The following GNAQ variants were observed in gnomAD, a reference collection of about 807,000 sequenced individuals.
GNAQ encodes the protein G protein subunit alpha q, also known as guanine nucleotide-binding protein G(q) subunit alpha.
Under a neutral mutation model 43.9 loss-of-function variants are expected in GNAQ, and 8 were observed. That is an observed-to-expected ratio of 0.18 (90% confidence interval 0.11 to 0.33). The LOEUF (loss-of-function observed/expected upper bound fraction) is 0.33, where lower values mean the gene tolerates loss of function less well. Ranked by LOEUF, GNAQ falls within the 10% of genes least tolerant of loss-of-function variation. The pLI is 1.00. For synonymous variants in GNAQ, 155 were observed against 170.7 expected, an observed-to-expected ratio of 0.91 and a Z score of 0.71; for missense variants, 158 against 450.8, an observed-to-expected ratio of 0.35 and a Z score of 5.88.
Position 77,796,108 on chromosome 9 carries a change from G to A in GNAQ, c.605+1412C>T, listed in dbSNP as rs1451862739. 5.3e-5 allele frequency among the ~76,000 whole-genome samples: 8 copies of A among 152,244 alleles called. No homozygotes were observed. In the East Asian group the frequency reaches 1.2e-3, roughly 22 times the overall value. On this transcript the variant is annotated intron_variant, in intron 4 of 6. Coordinates refer to ENST00000286548, the MANE Select transcript of GNAQ (RefSeq NM_002072.5). ...GTAATATAGAATGCTGGAGCTACAA[G>A]GAACCCTGAGGATCATCTAATGCAA... is the stretch of plus-strand genomic sequence containing the variant.
intron 2 of GNAQ, among the ~76,000 whole-genome samples, chr9:77,891,709 C>T (rs1236811675): frequency 1.3e-5 from 2 of 152,174 alleles, no homozygotes; most frequent in African/African-American, 2.4e-5. Flanking sequence ...CTTTGAAAGC[C>T]GTACTAGTTC....
chr9:77,744,874 G>A (rs148572783), intron 5 of GNAQ, among the ~76,000 whole-genome samples: 47 of 152,062 alleles, frequency 3.1e-4, no homozygotes, highest in African/African-American at 1.1e-3. Context: ...TGTTCCCCGA[G>A]ACCCCAAGAA....
chr9:77,770,797 T>C (rs541213513), intron 5 of GNAQ, among the ~76,000 whole-genome samples: 1 of 152,278 alleles, frequency 6.6e-6, no homozygotes, highest in East Asian at 1.9e-4. Flanking sequence ...AAAGATTGTA[T>C]ATGTTTTGTA....
intron 2 of GNAQ, among the ~76,000 whole-genome samples, chr9:77,861,373 T>C (rs1354847654): frequency 6.6e-6 from 1 of 152,102 alleles, no homozygotes; most frequent in Non-Finnish European, 1.5e-5. Context: ...CTCCCAAATC[T>C]CATGTCCTCA....
At chr9:77,879,075 C>T (rs190162779) in intron 2 of GNAQ, among the ~76,000 whole-genome samples, 1 of 150,662 alleles carries the variant, frequency 6.6e-6, no homozygotes, top group Non-Finnish European at 1.5e-5. Flanking sequence ...ATTTAAAAAA[C>T]CAAAAAATAA....
chr9:78,001,311 G>C (rs1823641242), intron 1 of GNAQ, among the ~76,000 whole-genome samples: 1 of 152,094 alleles, frequency 6.6e-6, no homozygotes. Flanking sequence ...TGAGGTGGGA[G>C]GATTGCTTTA....
chr9:77,794,639 A>G, intron 4 of GNAQ, 47 bp from the exon 5 acceptor site: 1 of 1,266,594 alleles, frequency 7.9e-7, no homozygotes, highest in Non-Finnish European at 1.1e-6. Flanking sequence ...AAGTAAAACT[A>G]AAAAGTCAAC....
intron 1 of GNAQ, among the ~76,000 whole-genome samples, chr9:78,013,402 T>G (rs1047626749): frequency 1.3e-5 from 2 of 151,914 alleles, no homozygotes; most frequent in Non-Finnish European, 2.9e-5. Context: ...CGTGTTGGTG[T>G]GCTGCACCCA....
chr9:77,922,882 C>G (rs550270196), intron 1 of GNAQ, among the ~76,000 whole-genome samples: 2 of 152,066 alleles, frequency 1.3e-5, no homozygotes, highest in East Asian at 1.9e-4. Context: ...CAGGCTGGAA[C>G]GCAGTGGTGT....
chr9:77,746,432 G>A (rs572032725), intron 5 of GNAQ, among the ~76,000 whole-genome samples: 111 of 152,210 alleles, frequency 7.3e-4, no homozygotes, highest in Non-Finnish European at 1.4e-3. Flanking sequence ...CCAAAAGGGA[G>A]ATCTCTGATT....
intron 5 of GNAQ, among the ~76,000 whole-genome samples, chr9:77,772,707 G>A (rs1826246060): frequency 6.6e-6 from 1 of 152,190 alleles, no homozygotes; most frequent in South Asian, 2.1e-4. Context: ...ACGTCAGCTA[G>A]TCTGTGAGAA....
intron 5 of GNAQ, among the ~76,000 whole-genome samples, chr9:77,763,141 C>CAAAAAAA (rs34812363): frequency 6.3e-4 from 41 of 64,876 alleles, no homozygotes; most frequent in African/African-American, 1.4e-3. Context: ...AACAAACAAA[C>CAAAAAAA]AAAAAAAAAA....
intron 2 of GNAQ, among the ~76,000 whole-genome samples, chr9:77,853,139 C>T (rs559586565): frequency 6.6e-6 from 1 of 152,122 alleles, no homozygotes; most frequent in Non-Finnish European, 1.5e-5. Flanking sequence ...TTTTAGAAAG[C>T]AGTACACTAC....
intron 1 of GNAQ, among the ~76,000 whole-genome samples, chr9:77,937,841 G>A (rs1325537945): frequency 6.6e-6 from 1 of 152,212 alleles, no homozygotes; most frequent in Non-Finnish European, 1.5e-5. Flanking sequence ...GCGGTGAGCT[G>A]AGATTGCACC....
intron 1 of GNAQ, among the ~76,000 whole-genome samples, chr9:77,937,630 C>T (rs1049116960): frequency 5.9e-5 from 9 of 152,080 alleles, no homozygotes; most frequent in Admixed American, 3.9e-4. Context: ...CAGTGGCTCA[C>T]GCCTGTAATC....
chr9:77,963,537 C>G (rs1256426609), intron 1 of GNAQ, among the ~76,000 whole-genome samples: 1 of 151,822 alleles, frequency 6.6e-6, no homozygotes, highest in Non-Finnish European at 1.5e-5. Flanking sequence ...CAGTACGATC[C>G]TGAAAAAAAA....
intron 1 of GNAQ, among the ~76,000 whole-genome samples, chr9:77,932,382 T>C (rs1449645010): frequency 6.6e-6 from 1 of 152,228 alleles, no homozygotes; most frequent in African/African-American, 2.4e-5. Flanking sequence ...AGATGATTTA[T>C]TGATAGATGA....
intron 2 of GNAQ, among the ~76,000 whole-genome samples, chr9:77,911,538 G>A (rs1170227404): frequency 2.6e-5 from 4 of 152,108 alleles, no homozygotes; most frequent in East Asian, 1.9e-4. Flanking sequence ...ACCTTCTGAC[G>A]TAACTTTAAC....
At chr9:77,868,749 C>T (rs554119080) in intron 2 of GNAQ, among the ~76,000 whole-genome samples, 8 of 152,278 alleles carry the variant, frequency 5.3e-5, no homozygotes, top group African/African-American at 7.2e-5. Flanking sequence ...GAGCCGAGAT[C>T]GGGCCACTGC....
Sources: allele counts gnomAD v4.1 joint callset (sites outside exome capture counted in the v4.1 genomes callset), GRCh38; gene constraint gnomAD v4.1.1; transcripts MANE v1.5; gene names NCBI Gene and HGNC (gene_info 2026-07-23, HGNC 2026-07-21).